The following SAMD5 variants were observed in gnomAD, a reference collection of about 807,000 sequenced individuals.
The protein encoded by SAMD5 is sterile alpha motif domain containing 5, also known as sterile alpha motif domain-containing protein 5.
SAMD5 carries 13 observed loss-of-function variants against 11.3 expected under a neutral mutation model. The ratio of observed to expected loss-of-function variants is 1.15; its 90% CI spans 0.75 to 1.83. SAMD5 has a LOEUF of 1.83. Among genes scored for constraint, SAMD5 ranks in the 40% most tolerant of loss-of-function variants. The pLI is 0.00. For synonymous variants in SAMD5, 129 were observed against 111.3 expected, an observed-to-expected ratio of 1.16 and a Z score of -1.00; for missense variants, 255 against 239.1, an observed-to-expected ratio of 1.07 and a Z score of -0.44.
chr6:147,783,985 T>G, the SAMD5 span, among the ~76,000 whole-genome samples: 1 of 152,134 alleles, frequency 6.6e-6, no homozygotes, highest in Non-Finnish European at 1.5e-5. Flanking sequence ...TGGTCTGTCC[T>G]GGCAATGGCA....
chr6:147,630,614 C>A (rs534771616), intron 1 of SAMD5, among the ~76,000 whole-genome samples: 1 of 152,000 alleles, frequency 6.6e-6, no homozygotes, highest in East Asian at 2.0e-4. Flanking sequence ...CCACCCAAAT[C>A]CTATAAAACA....
chr6:147,835,412 T>C, the SAMD5 span, among the ~76,000 whole-genome samples: 2 of 152,108 alleles, frequency 1.3e-5, no homozygotes, highest in Non-Finnish European at 2.9e-5. Flanking sequence ...TGCTGTTTCA[T>C]TTAAACAATT....
At chr6:147,860,321 T>C in the SAMD5 span, among the ~76,000 whole-genome samples, 4 of 152,208 alleles carry the variant, frequency 2.6e-5, no homozygotes, top group African/African-American at 7.2e-5. Flanking sequence ...AAAACTTCAT[T>C]TGAACTACAT....
intron 1 of SAMD5, among the ~76,000 whole-genome samples, chr6:147,608,618 T>C (rs146640335): frequency 2.0e-4 from 30 of 151,976 alleles, no homozygotes; most frequent in African/African-American, 7.2e-4. Context: ...TTATAGAGAA[T>C]AGAAGGATGC....
intron 1 of SAMD5, among the ~76,000 whole-genome samples, chr6:147,726,997 A>G (rs1791638646): frequency 6.6e-6 from 1 of 152,196 alleles, no homozygotes; most frequent in Non-Finnish European, 1.5e-5. Context: ...TGACATAACT[A>G]AAAACTAGCA....
chr6:147,673,094 T>C (rs1446326525), intron 1 of SAMD5, among the ~76,000 whole-genome samples: 1 of 152,224 alleles, frequency 6.6e-6, no homozygotes, highest in Non-Finnish European at 1.5e-5. Flanking sequence ...AATACTGATT[T>C]TTCTTATCTT....
At chr6:147,754,844 C>A in the SAMD5 span, among the ~76,000 whole-genome samples, 1 of 152,034 alleles carries the variant, frequency 6.6e-6, no homozygotes, top group East Asian at 1.9e-4. Flanking sequence ...ATGTCCTGGA[C>A]ACCTTTATAA....
the SAMD5 span, among the ~76,000 whole-genome samples, chr6:147,766,412 G>T: frequency 6.6e-6 from 1 of 151,958 alleles, no homozygotes; most frequent in South Asian, 2.1e-4. Flanking sequence ...CAAAACACCA[G>T]GGATAAAACA....
At chr6:147,657,483 G>T (rs944800305) in intron 1 of SAMD5, among the ~76,000 whole-genome samples, 1 of 152,140 alleles carries the variant, frequency 6.6e-6, no homozygotes, top group African/African-American at 2.4e-5. Flanking sequence ...GTGAGTAAGC[G>T]TGAGAAAGAG....
intron 1 of SAMD5, among the ~76,000 whole-genome samples, chr6:147,553,517 C>T (rs943621012): frequency 6.6e-6 from 1 of 152,190 alleles, no homozygotes; most frequent in Non-Finnish European, 1.5e-5. Flanking sequence ...CCTACAACCA[C>T]TCTGGACCCA....
chr6:147,901,911 T>G, the SAMD5 span, among the ~76,000 whole-genome samples: 2 of 152,202 alleles, frequency 1.3e-5, no homozygotes, highest in South Asian at 4.1e-4. Context: ...AATGAACTTC[T>G]GAATTATTGA....
chr6:147,759,081 A>G, the SAMD5 span, among the ~76,000 whole-genome samples: 1 of 152,220 alleles, frequency 6.6e-6, no homozygotes, highest in African/African-American at 2.4e-5. Context: ...TAGGCAATGC[A>G]TATTGCTAAT....
At chr6:147,588,016 T>C (rs1301380677) in intron 1 of SAMD5, among the ~76,000 whole-genome samples, 1 of 152,188 alleles carries the variant, frequency 6.6e-6, no homozygotes, top group Non-Finnish European at 1.5e-5. Context: ...TTTAGCTCTC[T>C]ATACATAGAT....
intron 1 of SAMD5, among the ~76,000 whole-genome samples, chr6:147,713,173 G>C (rs1037415681): frequency 6.6e-6 from 1 of 152,080 alleles, no homozygotes; most frequent in Non-Finnish European, 1.5e-5. Context: ...TGCTATCCTT[G>C]GTCTTTTAGA....
intron 1 of SAMD5, among the ~76,000 whole-genome samples, chr6:147,707,872 G>T (rs1791345825): frequency 6.6e-6 from 1 of 152,082 alleles, no homozygotes; most frequent in Admixed American, 6.5e-5. Context: ...GGGATGAGGG[G>T]GTTGAGATAT....
the SAMD5 span, among the ~76,000 whole-genome samples, chr6:147,751,613 T>C: frequency 7.9e-5 from 12 of 152,148 alleles, no homozygotes; most frequent in African/African-American, 2.4e-4. Flanking sequence ...TTGCAGAAAA[T>C]GTTTACTTTT....
At chr6:147,642,199 C>G (rs972162591) in intron 1 of SAMD5, among the ~76,000 whole-genome samples, 1 of 152,180 alleles carries the variant, frequency 6.6e-6, no homozygotes, top group African/African-American at 2.4e-5. Flanking sequence ...GATTATTTCT[C>G]TGTTTTAAGA....
At chr6:147,732,137 T>A (rs1791724820) in intron 1 of SAMD5, among the ~76,000 whole-genome samples, 1 of 152,178 alleles carries the variant, frequency 6.6e-6, no homozygotes, top group South Asian at 2.1e-4. Flanking sequence ...GGATTGGATT[T>A]CAGAAAAAGG....
chr6:147,587,658 T>C (rs1789394763), intron 1 of SAMD5, among the ~76,000 whole-genome samples: 1 of 152,196 alleles, frequency 6.6e-6, no homozygotes, highest in Admixed American at 6.5e-5. Flanking sequence ...ATGGCTATAT[T>C]AATATGCCAA....
Sources: gnomAD v4.1 joint callset for allele counts (sites outside exome capture counted in the v4.1 genomes callset) on GRCh38, gnomAD v4.1.1 for gene constraint, MANE v1.5 for transcripts, NCBI Gene and HGNC (gene_info 2026-07-23, HGNC 2026-07-21) for gene names.